Variants in CIMIP6 observed in about 807,000 individuals in gnomAD.
CIMIP6 encodes the protein ciliary microtubule inner protein 6.
At chr2:54,341,093 G>A in the CIMIP6 span, among the ~76,000 whole-genome samples, 2 of 152,198 alleles carry the variant, frequency 1.3e-5, no homozygotes, top group African/African-American at 4.8e-5. Context: ...AACAAAAGTA[G>A]ATGATATGAA....
At chr2:54,382,574 A>G in the CIMIP6 span, among the ~76,000 whole-genome samples, 1 of 152,080 alleles carries the variant, frequency 6.6e-6, no homozygotes, top group African/African-American at 2.4e-5. Context: ...TACCTCTTCA[A>G]ATCCTACCTA....
the CIMIP6 span, chr2:54,343,713 T>C: frequency 1.3e-6 from 2 of 1,575,920 alleles, no homozygotes; most frequent in South Asian, 2.4e-5. Flanking sequence ...AATTATTTTC[T>C]ATAAAGGGTG....
the CIMIP6 span, among the ~76,000 whole-genome samples, chr2:54,335,876 C>T: frequency 6.6e-6 from 1 of 152,114 alleles, no homozygotes; most frequent in African/African-American, 2.4e-5. Context: ...GTTTATGGCG[C>T]CTTTTTCTTT....
the CIMIP6 span, among the ~76,000 whole-genome samples, chr2:54,351,416 C>T: frequency 6.6e-6 from 1 of 152,178 alleles, no homozygotes; most frequent in African/African-American, 2.4e-5. Flanking sequence ...AAATGTGGCA[C>T]ATATACACCG....
the CIMIP6 span, chr2:54,383,800 C>CTCACCTA: frequency 6.6e-6 from 1 of 151,838 alleles, no homozygotes; most frequent in African/African-American, 2.4e-5. Context: ...GAGGTGGGAC[C>CTCACCTA]TTTCAGAGGT....
the CIMIP6 span, chr2:54,383,012 C>T: frequency 2.0e-5 from 3 of 152,372 alleles, no homozygotes; most frequent in Admixed American, 6.5e-5. Context: ...TCTCTCCCCT[C>T]CCTCTGCCCT....
the CIMIP6 span, among the ~76,000 whole-genome samples, chr2:54,332,733 A>G: frequency 6.6e-6 from 1 of 152,214 alleles, no homozygotes; most frequent in Non-Finnish European, 1.5e-5. Flanking sequence ...TTCTTCAAGG[A>G]CTTGATCACT....
chr2:54,345,027 C>T, the CIMIP6 span, among the ~76,000 whole-genome samples: 4 of 152,090 alleles, frequency 2.6e-5, no homozygotes, highest in Non-Finnish European at 5.9e-5. Context: ...GAACTCTATG[C>T]AATATAATAG....
chr2:54,350,136 G>C, the CIMIP6 span, among the ~76,000 whole-genome samples: 1 of 152,200 alleles, frequency 6.6e-6, no homozygotes, highest in Non-Finnish European at 1.5e-5. Flanking sequence ...GATTACAGGC[G>C]TGAGCCACCA....
the CIMIP6 span, among the ~76,000 whole-genome samples, chr2:54,353,852 G>C: frequency 6.6e-6 from 1 of 152,214 alleles, no homozygotes; most frequent in East Asian, 1.9e-4. Context: ...TCATCGAGCA[G>C]TTCTCCTATG....
the CIMIP6 span, among the ~76,000 whole-genome samples, chr2:54,371,086 C>T: frequency 6.6e-6 from 1 of 152,196 alleles, no homozygotes; most frequent in African/African-American, 2.4e-5. Context: ...CACTGTTATT[C>T]CTTTCCAGGC....
the CIMIP6 span, among the ~76,000 whole-genome samples, chr2:54,373,505 C>G: frequency 6.6e-6 from 1 of 152,142 alleles, no homozygotes; most frequent in Non-Finnish European, 1.5e-5. Context: ...TGTCTCTATA[C>G]TTGTTCCAGG....
At chr2:54,342,666 T>C in the CIMIP6 span, among the ~76,000 whole-genome samples, 1 of 151,918 alleles carries the variant, frequency 6.6e-6, no homozygotes, top group Non-Finnish European at 1.5e-5. Context: ...TAGCCTTAAT[T>C]GTATTGTCAG....
At chr2:54,344,265 T>A in the CIMIP6 span, among the ~76,000 whole-genome samples, 1 of 152,188 alleles carries the variant, frequency 6.6e-6, no homozygotes, top group Non-Finnish European at 1.5e-5. Flanking sequence ...TAATAAAGTT[T>A]CCACTTCTGG....
At chr2:54,343,940 A>C in the CIMIP6 span, 1 of 1,349,776 alleles carries the variant, frequency 7.4e-7, no homozygotes, top group Admixed American at 2.9e-5. Context: ...ACTAAGATGT[A>C]TTAGATGTCC....
the CIMIP6 span, among the ~76,000 whole-genome samples, chr2:54,337,624 T>G: frequency 2.0e-5 from 3 of 152,114 alleles, no homozygotes; most frequent in Admixed American, 2.0e-4. Flanking sequence ...ACATAAAAGT[T>G]TAAAAACTTA....
chr2:54,351,197 TTC>T, the CIMIP6 span, among the ~76,000 whole-genome samples: 99 of 152,344 alleles, frequency 6.5e-4, no homozygotes, highest in African/African-American at 2.3e-3. Context: ...GTCAATTAAA[TTC>T]TGTTAGCATT....
the CIMIP6 span, among the ~76,000 whole-genome samples, chr2:54,342,943 CCTCTCTA>C: frequency 3.3e-5 from 5 of 152,040 alleles, no homozygotes; most frequent in African/African-American, 9.7e-5. Flanking sequence ...TAACAGTTCC[CCTCTCTA>C]CTCTCTCAAC....
At chr2:54,352,893 G>T in the CIMIP6 span, among the ~76,000 whole-genome samples, 1 of 152,024 alleles carries the variant, frequency 6.6e-6, no homozygotes. Flanking sequence ...TTGAATATGT[G>T]GATACAGAAC....
Sources: gnomAD v4.1 joint callset for allele counts (sites outside exome capture counted in the v4.1 genomes callset) on GRCh38, gnomAD v4.1.1 for gene constraint, MANE v1.5 for transcripts, NCBI Gene and HGNC (gene_info 2026-07-23, HGNC 2026-07-21) for gene names.